CCNY: variants seen among roughly 807,000 people sequenced by gnomAD.
CCNY encodes the protein cyclin Y.
Under a neutral mutation model 42.8 loss-of-function variants are expected in CCNY, and 19 were observed. That is an observed-to-expected ratio of 0.44 (90% CI 0.31 to 0.65). The LOEUF (loss-of-function observed/expected upper bound fraction) is 0.65, where lower values mean the gene tolerates loss of function less well. CCNY is among the 30% of genes least tolerant of loss of function. CCNY has a pLI of 0.07. For synonymous variants in CCNY, 165 were observed against 162.7 expected (o/e 1.01, Z -0.11); for missense variants, 370 against 437.3 (o/e 0.85, Z 1.37).
At chr10:35,568,445 C>T (rs1269419202) in intron 9 of CCNY, among the ~76,000 whole-genome samples, 4 of 152,230 alleles carry the variant, frequency 2.6e-5, no homozygotes, top group Non-Finnish European at 5.9e-5. Context: ...GCCAGAGTAG[C>T]ATGGTCCCCC....
intron 1 of CCNY, among the ~76,000 whole-genome samples, chr10:35,473,005 A>C (rs1273068828): frequency 6.6e-6 from 1 of 152,230 alleles, no homozygotes; most frequent in Non-Finnish European, 1.5e-5. Context: ...AGGAAAAAAA[A>C]AGCAATATTT....
chr10:35,330,741 GAA>G (rs1835932723), intron 3 of CCNY, among the ~76,000 whole-genome samples: 1 of 151,014 alleles, frequency 6.6e-6, no homozygotes, highest in Non-Finnish European at 1.5e-5. Flanking sequence ...AAGAAGCAGA[GAA>G]GAGGCAGCTT....
intron 1 of CCNY, among the ~76,000 whole-genome samples, chr10:35,378,883 A>T (rs1038966060): frequency 3.3e-5 from 5 of 152,152 alleles, no homozygotes; most frequent in African/African-American, 9.6e-5. Flanking sequence ...CTGCTTCCTA[A>T]CTTATGCTGG....
At chr10:35,303,210 C>A (rs1835558563) in intron 3 of CCNY, among the ~76,000 whole-genome samples, 1 of 151,662 alleles carries the variant, frequency 6.6e-6, no homozygotes, top group Non-Finnish European at 1.5e-5. Flanking sequence ...GACTGAGTTT[C>A]ACTCTTGTTG....
At chr10:35,560,573 T>G (rs1225722290) in intron 8 of CCNY, among the ~76,000 whole-genome samples, 2 of 152,132 alleles carry the variant, frequency 1.3e-5, no homozygotes, top group African/African-American at 2.4e-5. Context: ...CCACAAACTG[T>G]GGGGAAAAAA....
chr10:35,401,508 C>A (rs1286258550), intron 1 of CCNY, among the ~76,000 whole-genome samples: 2 of 150,140 alleles, frequency 1.3e-5, no homozygotes, highest in Non-Finnish European at 3.0e-5. Flanking sequence ...AAGAAATTTT[C>A]TTTTCTTTTT....
At chr10:35,418,659 G>T (rs1472125164) in intron 1 of CCNY, among the ~76,000 whole-genome samples, 2 of 151,998 alleles carry the variant, frequency 1.3e-5, no homozygotes, top group African/African-American at 4.8e-5. Context: ...GGGCGTATGT[G>T]GGGGACAGTG....
intron 3 of CCNY, chr10:35,316,198 G>A (rs1053746021): frequency 3.9e-5 from 6 of 152,244 alleles, no homozygotes; most frequent in African/African-American, 1.4e-4. Flanking sequence ...GCCTAGCAGT[G>A]TACTAGAGTA....
intron 3 of CCNY, among the ~76,000 whole-genome samples, chr10:35,257,513 A>C (rs1195486615): frequency 6.6e-6 from 1 of 152,030 alleles, no homozygotes; most frequent in Admixed American, 6.6e-5. Flanking sequence ...GCCAAATGCA[A>C]GATTCTTGCT....
At chr10:35,561,839 G>A (rs1263163119) in intron 8 of CCNY, among the ~76,000 whole-genome samples, 2 of 152,226 alleles carry the variant, frequency 1.3e-5, no homozygotes, top group African/African-American at 4.8e-5. Context: ...AACACTGTAC[G>A]ACGAGTGTCA....
chr10:35,534,999 A>ATATG (rs375976167), intron 7 of CCNY, among the ~76,000 whole-genome samples: 1 of 133,502 alleles, frequency 7.5e-6, no homozygotes, highest in Admixed American at 7.3e-5. Flanking sequence ...ATCTATATAT[A>ATATG]TGTGTGTGTG....
intron 1 of CCNY, among the ~76,000 whole-genome samples, chr10:35,427,680 T>TGTAA (rs1838299589): frequency 6.6e-6 from 1 of 152,262 alleles, no homozygotes; most frequent in East Asian, 1.9e-4. Flanking sequence ...GGGTCATATG[T>TGTAA]GTAAATAAAT....
intron 1 of CCNY, among the ~76,000 whole-genome samples, chr10:35,449,120 G>A (rs1034270950): frequency 2.0e-5 from 3 of 151,952 alleles, no homozygotes; most frequent in Non-Finnish European, 2.9e-5. Context: ...CAGCATGGGA[G>A]TTCAGTGGAG....
At chr10:35,553,806 G>A (rs1288199999) in intron 8 of CCNY, among the ~76,000 whole-genome samples, 1 of 152,068 alleles carries the variant, frequency 6.6e-6, no homozygotes, top group African/African-American at 2.4e-5. Flanking sequence ...CAGTGTCAGG[G>A]TTTCTCAGAT....
At chr10:35,386,418 T>G (rs1003228052) in intron 1 of CCNY, among the ~76,000 whole-genome samples, 7 of 152,238 alleles carry the variant, frequency 4.6e-5, no homozygotes, top group Non-Finnish European at 1.0e-4. Flanking sequence ...GCCTCTGATA[T>G]CCAAAGTTAG....
rs371826749 is a variant in CCNY at position 35,296,739 on chromosome 10, C to T, written c.-9+46113C>T. Among the ~76,000 whole-genome samples the T allele has an allele frequency of 7.9e-5, 12 of 152,206 alleles. No homozygotes were observed. The East Asian group carries it at 1.5e-3, about 20-fold the overall frequency. ...ATAAATTCCTGGACACATACCACCTCCCAAGATTGAACTAGGAAGAAATTG... is the reference window on the plus strand; with the variant it reads ...ATAAATTCCTGGACACATACCACCTTCCAAGATTGAACTAGGAAGAAATTG... On this transcript the variant is annotated intron_variant, in intron 3 of 11. Coordinates refer to the CCNY transcript ENST00000374706.
intron 1 of CCNY, among the ~76,000 whole-genome samples, chr10:35,383,130 T>C (rs2504350): frequency 0.43 from 64,892 of 151,894 alleles, 14,868 homozygotes; most frequent in African/African-American, 0.59. Context: ...ACAGCTCCGA[T>C]GGGGAGACTT....
At chr10:35,301,713 T>G (rs1835535525) in intron 3 of CCNY, among the ~76,000 whole-genome samples, 1 of 152,038 alleles carries the variant, frequency 6.6e-6, no homozygotes, top group African/African-American at 2.4e-5. Context: ...ACAGAAGACT[T>G]GATCTCCCTG....
chr10:35,372,822 CCCGAG>C (rs376926060), intron 1 of CCNY, among the ~76,000 whole-genome samples: 21 of 152,190 alleles, frequency 1.4e-4, no homozygotes, highest in Admixed American at 7.2e-4. Flanking sequence ...GCCTCAGCCT[CCCGAG>C]CAGCTGGCGT....
Sources: gnomAD v4.1 joint callset for allele counts (sites outside exome capture counted in the v4.1 genomes callset) on GRCh38, gnomAD v4.1.1 for gene constraint, MANE v1.5 for transcripts, NCBI Gene and HGNC (gene_info 2026-07-23, HGNC 2026-07-21) for gene names.